The following RGMA variants were observed in gnomAD, a reference collection of about 807,000 sequenced individuals.
The protein encoded by RGMA is repulsive guidance molecule A.
A neutral mutation model predicts 23.2 loss-of-function variants in RGMA; 10 were observed. That is an observed-to-expected ratio of 0.43 (90% CI 0.27 to 0.73). The LOEUF (loss-of-function observed/expected upper bound fraction) is 0.73. RGMA is among the 30% of genes least tolerant of loss of function. RGMA has a pLI of 0.20. For synonymous variants in RGMA, 308 were observed against 279.3 expected (o/e 1.10, Z -1.03); for missense variants, 547 against 630.5 (o/e 0.87, Z 1.42).
chr15:93,078,561 C>G (rs1228925737), intron 1 of RGMA, among the ~76,000 whole-genome samples: 1 of 152,198 alleles, frequency 6.6e-6, no homozygotes, highest in Admixed American at 6.5e-5. Context: ...AGTACTTGTT[C>G]TCTCTCTCCA....
chr15:93,084,683 T>G (rs4778098), intron 1 of RGMA, among the ~76,000 whole-genome samples: 152,079 of 152,258 alleles, frequency 1, 75,950 homozygotes, highest in Middle Eastern at 1. Flanking sequence ...ATGTTGACCA[T>G]GCTGGTCTCG....
intron 1 of RGMA, among the ~76,000 whole-genome samples, chr15:93,076,606 C>G (rs1399601106): frequency 1.3e-5 from 2 of 152,200 alleles, no homozygotes; most frequent in African/African-American, 4.8e-5. Context: ...AAGGTGGTGT[C>G]TTTCAAAATA....
Position 93,044,759 on chromosome 15 carries a change from GAGC to G in RGMA, c.*236_*238del. ...TCACACTGCAGGGGCGGGGCGAGGGGAGCTGCTCTCCCTCTCACACAGCTCTAC... is the reference window on the plus strand; with the variant it reads ...TCACACTGCAGGGGCGGGGCGAGGGGTGCTCTCCCTCTCACACAGCTCTAC... On this transcript the variant is annotated 3_prime_UTR_variant, in exon 4 of 4. Coordinates refer to ENST00000329082, the MANE Select transcript of RGMA (RefSeq NM_020211.3). 1.7e-6 allele frequency: 1 copy of G among 572,648 alleles called. No individual in the cohort carries two copies. The highest frequency in any genetic ancestry group is 3.1e-6 in the Non-Finnish European group (1 of 321,820). The allele number at this position is 572,648 out of a possible 1,614,324, so 35.5% of individuals were successfully genotyped here.
chr15:93,063,687 T>G (rs981206161), intron 2 of RGMA, among the ~76,000 whole-genome samples: 1 of 152,218 alleles, frequency 6.6e-6, no homozygotes, highest in South Asian at 2.1e-4. Context: ...CATTCCTCCC[T>G]GAGTCTAGCC....
At chr15:93,050,875 G>A (rs1422598994) in intron 3 of RGMA, among the ~76,000 whole-genome samples, 1 of 152,166 alleles carries the variant, frequency 6.6e-6, no homozygotes, top group Non-Finnish European at 1.5e-5. Flanking sequence ...TGCAGCCTCA[G>A]GCTCCTGGCG....
rs1895693959 is a variant in RGMA at position 93,089,185 on chromosome 15, C to G, written c.-253G>C. On this transcript the variant is annotated 5_prime_UTR_variant, in exon 1 of 4. Transcript: ENST00000329082. The stretch of plus-strand genomic sequence containing the variant: ...CGGCCCAGCGGCTCGGGCGGCGCAG[C>G]CAGCGCTCGGGAGACAACTGCAGAG... The G allele has an allele frequency of 3.6e-6, 1 of 281,510 alleles. No individual in the cohort carries two copies. The highest frequency in any genetic ancestry group is 6.1e-5 in the East Asian group (1 of 16,460). 17.4% of individuals were successfully genotyped at this position (281,510 alleles called of 1,614,324 possible).
At chr15:93,077,722 T>C (rs889329318) in intron 1 of RGMA, among the ~76,000 whole-genome samples, 17 of 152,210 alleles carry the variant, frequency 1.1e-4, no homozygotes, top group Admixed American at 9.8e-4. Flanking sequence ...ACATAGTGTG[T>C]GTGTGTGACA....
rs147116703 is a variant in RGMA at position 93,082,146 on chromosome 15, T to A, written c.14+6773A>T. ...GCATAGAGTAAGTCTTGATAAGTAG[T>A]TGCCAATATTCATTTTATATCATGG... On this transcript the variant is annotated intron_variant, in intron 1 of 3. Transcript: ENST00000329082. Among the ~76,000 whole-genome samples the A allele has an allele frequency of 9.1e-4, 139 of 152,360 alleles. 2 individuals carry two copies. In the East Asian group the frequency reaches 0.024, roughly 26 times the overall value.
intron 2 of RGMA, chr15:93,066,517 C>A: frequency 2.0e-6 from 1 of 492,784 alleles, no homozygotes; most frequent in South Asian, 1.7e-5. Flanking sequence ...GAGGCGACTC[C>A]GCCCCTGCCA....
At chr15:93,073,816 A>T in intron 1 of RGMA, 1 of 1,527,034 alleles carries the variant, frequency 6.5e-7, no homozygotes, top group Non-Finnish European at 8.8e-7. Flanking sequence ...CTTCCTGAAG[A>T]CTTGCCCCGG....
chr15:93,086,478 TA>T (rs1164634743), intron 1 of RGMA, among the ~76,000 whole-genome samples: 2 of 152,146 alleles, frequency 1.3e-5, no homozygotes, highest in African/African-American at 4.8e-5. Context: ...CCATACTTGG[TA>T]AAAACAAGCG....
chr15:93,069,622 C>T (rs560185518), intron 2 of RGMA, among the ~76,000 whole-genome samples: 1 of 152,332 alleles, frequency 6.6e-6, no homozygotes, highest in South Asian at 2.1e-4. Flanking sequence ...CAGCGATCCT[C>T]AAACTTGAGC....
intron 2 of RGMA, among the ~76,000 whole-genome samples, chr15:93,056,998 C>G (rs2055025356): frequency 6.6e-6 from 1 of 152,154 alleles, no homozygotes; most frequent in African/African-American, 2.4e-5. Context: ...CTGCCCCTCC[C>G]TGGTGAAGCT....
At chr15:93,073,466 C>G in intron 1 of RGMA, 1 of 1,074,704 alleles carries the variant, frequency 9.3e-7, no homozygotes, top group Non-Finnish European at 1.3e-6. Context: ...CTTGGGAGGC[C>G]GCAGGGCATG....
intron 1 of RGMA, among the ~76,000 whole-genome samples, chr15:93,081,357 T>C (rs1596108073): frequency 6.6e-6 from 1 of 152,336 alleles, no homozygotes; most frequent in Non-Finnish European, 1.5e-5. Context: ...GCCAAGCACG[T>C]AGGAAATGTC....
intron 2 of RGMA, chr15:93,065,754 G>A: frequency 8.5e-7 from 1 of 1,182,280 alleles, no homozygotes; most frequent in Non-Finnish European, 1.2e-6. Context: ...GGCTGGGCTT[G>A]GTCTCACCGT....
chr15:93,072,656 T>C (rs909819465), intron 2 of RGMA, among the ~76,000 whole-genome samples: 2 of 150,886 alleles, frequency 1.3e-5, no homozygotes, highest in African/African-American at 2.4e-5. Flanking sequence ...GGGAAGGGAG[T>C]GAGGCACCCC....
rs939866403 is a variant in RGMA at position 93,043,705 on chromosome 15, GAC to G, written c.*1291_*1292del. 4 of 151,882 alleles carry G rather than the reference GAC, an allele frequency of 2.6e-5. No individual in the cohort carries two copies. The highest frequency in any genetic ancestry group is 9.7e-5 in the African/African-American group (4 of 41,254). The allele number at this position is 151,882 out of a possible 1,614,324, so 9.4% of individuals were successfully genotyped here. A position where few individuals can be genotyped will look rare whatever the true frequency, so the allele number is the denominator to read the frequency against. On this transcript the variant is annotated 3_prime_UTR_variant, in exon 4 of 4. Transcript: ENST00000329082. ...GCAGGACCTCTTGGAGGGAGGGGGA[GAC>G]ACACGTTCTGCAGCCTCCTGGCCAG... is the stretch of plus-strand genomic sequence containing the variant.
At chr15:93,047,938 C>T (rs961932814) in intron 3 of RGMA, among the ~76,000 whole-genome samples, 5 of 152,160 alleles carry the variant, frequency 3.3e-5, no homozygotes, top group Admixed American at 6.5e-5. Flanking sequence ...GCAGGAGAGT[C>T]GCAGGAAGGT....
Sources: gnomAD v4.1 joint callset for allele counts (sites outside exome capture counted in the v4.1 genomes callset) on GRCh38, gnomAD v4.1.1 for gene constraint, MANE v1.5 for transcripts, NCBI Gene and HGNC (gene_info 2026-07-23, HGNC 2026-07-21) for gene names.